The following NCALD variants were observed in gnomAD, a reference collection of about 807,000 sequenced individuals.
The protein encoded by NCALD is neurocalcin-delta.
Under a neutral mutation model 18.6 loss-of-function variants are expected in NCALD, and 10 were observed. The ratio of observed to expected loss-of-function variants is 0.54; its 90% CI spans 0.33 to 0.91. NCALD has a LOEUF of 0.91. Ranked by LOEUF, NCALD falls within the 40% of genes least tolerant of loss-of-function variation. The probability of loss-of-function intolerance (pLI) is 0.03; values close to 1 mark genes in which losing one functional copy is unlikely to be tolerated. For missense variants in NCALD, 184 were observed against 247.6 expected (o/e 0.74, Z 1.72); for synonymous variants, 88 against 87.4 (o/e 1.01, Z -0.04).
chr8:101,766,614 GGTCT>G (rs1037953296), intron 1 of NCALD, among the ~76,000 whole-genome samples: 5 of 152,074 alleles, frequency 3.3e-5, no homozygotes, highest in Non-Finnish European at 7.4e-5. Flanking sequence ...TTTGAGATGG[GGTCT>G]GTCTGTCACC....
chr8:101,930,473 C>G (rs544639086), intron 2 of NCALD, among the ~76,000 whole-genome samples: 30 of 152,118 alleles, frequency 2.0e-4, no homozygotes, highest in African/African-American at 7.0e-4. Context: ...TATGTGAGCT[C>G]AATGCCAGGG....
chr8:101,907,192 C>A (rs1247413782), intron 3 of NCALD, among the ~76,000 whole-genome samples: 1 of 152,176 alleles, frequency 6.6e-6, no homozygotes, highest in Non-Finnish European at 1.5e-5. Flanking sequence ...AAATGTCCTA[C>A]TCACCTTCTC....
intron 1 of NCALD, among the ~76,000 whole-genome samples, chr8:102,101,015 A>G (rs112857419): frequency 7.2e-5 from 11 of 152,360 alleles, no homozygotes; most frequent in African/African-American, 2.6e-4. Context: ...ACTTAATGCC[A>G]CTGAACTGTA....
intron 1 of NCALD, among the ~76,000 whole-genome samples, chr8:102,059,558 G>A (rs1371490342): frequency 6.6e-6 from 1 of 152,168 alleles, no homozygotes; most frequent in African/African-American, 2.4e-5. Context: ...CTATAAACAT[G>A]TAAAACCATT....
intron 2 of NCALD, among the ~76,000 whole-genome samples, chr8:102,012,635 A>G (rs554196482): frequency 5.3e-5 from 8 of 152,352 alleles, no homozygotes; most frequent in African/African-American, 1.9e-4. Context: ...TTGAGAAGCA[A>G]TGCAGAGGGA....
chr8:101,736,813 A>T (rs545374903), intron 1 of NCALD, among the ~76,000 whole-genome samples: 7 of 152,356 alleles, frequency 4.6e-5, no homozygotes, highest in African/African-American at 1.4e-4. Context: ...GAAAGGTCTT[A>T]GTGCTGTTGA....
upstream of NCALD, among the ~76,000 whole-genome samples, chr8:101,791,205 T>C (rs1247215972): frequency 6.6e-6 from 1 of 152,154 alleles, no homozygotes; most frequent in Non-Finnish European, 1.5e-5. Context: ...CCCCCGAAGT[T>C]GTGACTCCAG....
chr8:101,733,307 C>G (rs1010588251), intron 1 of NCALD, among the ~76,000 whole-genome samples: 1 of 152,196 alleles, frequency 6.6e-6, no homozygotes, highest in Non-Finnish European at 1.5e-5. Context: ...TTGCTCCCCC[C>G]AGCAAGGTGT....
chr8:101,901,795 C>T lies in NCALD; in HGVS notation c.-107+14014G>A, dbSNP rs1817434383. On this transcript the variant is annotated intron_variant, in intron 3 of 6. Transcript: ENST00000311028. ...TTTATTCTTTGCATTACTCTTTTCT[C>T]TTCTTTTTTTTTTGAGATGGAGTCT... 1.3e-5 allele frequency among the ~76,000 whole-genome samples: 2 copies of T among 149,728 alleles called. 1 individual carries two copies. The highest frequency in any genetic ancestry group is 4.2e-4 in the South Asian group (2 of 4,782).
At chr8:101,876,371 T>C (rs1459328476) in intron 4 of NCALD, among the ~76,000 whole-genome samples, 1 of 152,244 alleles carries the variant, frequency 6.6e-6, no homozygotes, top group Non-Finnish European at 1.5e-5. Context: ...TGAACACTAG[T>C]TGCTGCCTGA....
intron 1 of NCALD, among the ~76,000 whole-genome samples, chr8:101,756,432 G>A (rs1479141856): frequency 1.3e-5 from 2 of 152,194 alleles, no homozygotes; most frequent in Admixed American, 1.3e-4. Context: ...GATAGGCAAT[G>A]AGTATCAGAC....
At chr8:102,006,259 T>C (rs1238866780) in intron 2 of NCALD, among the ~76,000 whole-genome samples, 2 of 152,198 alleles carry the variant, frequency 1.3e-5, no homozygotes, top group African/African-American at 4.8e-5. Flanking sequence ...TTGCAACAAG[T>C]TGACAAGCTG....
chr8:101,892,054 G>C (rs1468886244), intron 3 of NCALD, among the ~76,000 whole-genome samples: 1 of 151,972 alleles, frequency 6.6e-6, no homozygotes, highest in Admixed American at 6.6e-5. Flanking sequence ...TCCACCTCTG[G>C]GGGCAGGGCA....
intron 2 of NCALD, among the ~76,000 whole-genome samples, chr8:101,929,688 G>A (rs1433045745): frequency 6.8e-6 from 1 of 147,008 alleles, no homozygotes; most frequent in Non-Finnish European, 1.5e-5. Flanking sequence ...AGGGAGGGAA[G>A]GAGGCAGGGA....
At chr8:102,100,040 G>T (rs1825227466) in intron 1 of NCALD, among the ~76,000 whole-genome samples, 1 of 147,968 alleles carries the variant, frequency 6.8e-6, no homozygotes, top group South Asian at 2.1e-4. Flanking sequence ...AAAACTAAGA[G>T]CAAAAACTTT....
intron 1 of NCALD, among the ~76,000 whole-genome samples, chr8:102,111,434 G>GTT (rs993674660): frequency 1.3e-5 from 2 of 151,934 alleles, no homozygotes; most frequent in African/African-American, 4.8e-5. Context: ...GTGTGTGTGT[G>GTT]TGTGTGTGGT....
At chr8:101,809,280 C>T (rs1813220921) in intron 4 of NCALD, among the ~76,000 whole-genome samples, 3 of 152,160 alleles carry the variant, frequency 2.0e-5, no homozygotes, top group Non-Finnish European at 4.4e-5. Flanking sequence ...ATCAAAATCA[C>T]TACAGGAGTA....
chr8:101,915,624 A>G (rs1469930371), intron 3 of NCALD: 1 of 152,160 alleles, frequency 6.6e-6, no homozygotes, highest in Admixed American at 6.5e-5. Flanking sequence ...CTTCATTTCT[A>G]TTTATTTATC....
At chr8:101,880,365 C>T (rs1373346016) in intron 4 of NCALD, among the ~76,000 whole-genome samples, 2 of 152,182 alleles carry the variant, frequency 1.3e-5, no homozygotes, top group Admixed American at 6.5e-5. Context: ...GGTGCAGCAG[C>T]CCCGGTTCCC....
Sources: gnomAD v4.1 joint callset for allele counts (sites outside exome capture counted in the v4.1 genomes callset) on GRCh38, gnomAD v4.1.1 for gene constraint, MANE v1.5 for transcripts, NCBI Gene and HGNC (gene_info 2026-07-23, HGNC 2026-07-21) for gene names.